The following ZNF611 variants were observed in gnomAD, a reference collection of about 807,000 sequenced individuals.
ZNF611 encodes the protein zinc finger protein 611.
In ZNF611, 6 loss-of-function variants were observed where a neutral mutation model predicts 8.9. The ratio of observed to expected loss-of-function variants is 0.68; its 90% CI spans 0.37 to 1.34. The LOEUF (loss-of-function observed/expected upper bound fraction) is 1.34, where lower values mean the gene tolerates loss of function less well. Ranked by LOEUF, ZNF611 falls within the 40% of genes most tolerant of loss-of-function variation. ZNF611 has a pLI of 0.02. For missense variants in ZNF611, 874 were observed against 841.3 expected, an observed-to-expected ratio of 1.04 and a Z score of -0.48; for synonymous variants, 262 against 279.7, an observed-to-expected ratio of 0.94 and a Z score of 0.63.
rs2062224393 is a variant in ZNF611 at position 52,704,256 on chromosome 19, C to T, written c.*681G>A. ...AATTAATGCTTGATGGTTTGCTATA[C>T]TCATTTCATTGGGAACGGTTATCTC... On this transcript the variant is annotated 3_prime_UTR_variant, in exon 6 of 6. Transcript: ENST00000652185. The T allele has an allele frequency of 4.2e-6, 2 of 477,932 alleles. No homozygotes were observed. Among genetic ancestry groups the T allele is most frequent in the South Asian group, 3.3e-5 (2 of 60,058 alleles). The allele number at this position is 477,932 out of a possible 1,614,324, so 29.6% of individuals were successfully genotyped here. A position where few individuals can be genotyped will look rare whatever the true frequency, so the allele number is the denominator to read the frequency against.
Position 52,706,485 on chromosome 19 carries a change from A to G in ZNF611, c.570T>C (p.Val190=). The G allele has an allele frequency of 6.2e-7, 1 of 1,614,140 alleles. No individual in the cohort carries two copies. Among genetic ancestry groups the G allele is most frequent in the East Asian group, 2.2e-5 (1 of 44,880 alleles). ...LEKSTNDAPS[V]STFQRISCRP... is the part of the protein sequence containing the mutation. ...TACAGGAAATTCTTTGGAATGTTGA[A>G]ACTGAGGGAGCATCATTAGTAGACT... Residue 190 remains valine (V), a synonymous_variant, in exon 6 of 6, where the codon GTT becomes GTC. Coordinates refer to ENST00000652185, the MANE Select transcript of ZNF611 (RefSeq NM_001161499.2).
intron 3 of ZNF611, among the ~76,000 whole-genome samples, chr19:52,728,477 G>A (rs1201242675): frequency 3.3e-5 from 5 of 152,112 alleles, no homozygotes; most frequent in South Asian, 2.1e-4. Context: ...GACAGAAATT[G>A]CAGTGAGCCG....
At chr19:52,707,876 C>T (rs2062255609) in intron 5 of ZNF611, among the ~76,000 whole-genome samples, 2 of 152,016 alleles carry the variant, frequency 1.3e-5, no homozygotes. Context: ...AGTAATCCAC[C>T]CACCTCGGCC....
chr19:52,734,375 G>T (rs1232001323), intron 1 of ZNF611, among the ~76,000 whole-genome samples: 2 of 152,138 alleles, frequency 1.3e-5, no homozygotes, highest in Non-Finnish European at 2.9e-5. Flanking sequence ...CTGCATCCCG[G>T]AGGAGCGCAT....
At chr19:52,720,063 G>A (rs79799316) in intron 3 of ZNF611, among the ~76,000 whole-genome samples, 3 of 16,996 alleles carry the variant, frequency 1.8e-4, no homozygotes, top group African/African-American at 3.4e-3. Flanking sequence ...GACACAGCAC[G>A]TTTCAGAGAG....
At chr19:52,716,489 C>T (rs2062318313) in intron 3 of ZNF611, among the ~76,000 whole-genome samples, 1 of 152,182 alleles carries the variant, frequency 6.6e-6, no homozygotes, top group Non-Finnish European at 1.5e-5. Flanking sequence ...CTGGCTCTGC[C>T]CTCCCCTTGG....
In ZNF611 at chr19:52,714,175, T is replaced by G. The variant is rs777535724; in HGVS notation, c.64-34A>C. The G allele has an allele frequency of 2.5e-6, 4 of 1,609,436 alleles. No homozygotes were observed. The Admixed American group carries it at 5.1e-5, about 21-fold the overall frequency. On this transcript the variant is annotated intron_variant, in intron 4 of 5. Coordinates refer to ENST00000652185, the MANE Select transcript of ZNF611 (RefSeq NM_001161499.2). ...AAACACACATTTCAACAAAACATTA[T>G]GGAGTAATGAGTTATCACCTTCACA...
intron 3 of ZNF611, among the ~76,000 whole-genome samples, chr19:52,722,815 G>A (rs1381345543): frequency 2.6e-5 from 4 of 151,868 alleles, no homozygotes; most frequent in Admixed American, 6.6e-5. Context: ...ACAGCAGCCT[G>A]GACCTCCTGG....
chr19:52,714,923 G>C (rs540642761), intron 4 of ZNF611, among the ~76,000 whole-genome samples: 4 of 151,788 alleles, frequency 2.6e-5, no homozygotes, highest in Admixed American at 2.6e-4. Context: ...GCTTGAATCC[G>C]GGAGGCGGAG....
rs2062233233 is a variant in ZNF611 at position 52,705,324 on chromosome 19, G to C, written c.1731C>G (p.His577Gln). ...TATGATGGCATACAAGGTATGACCT[G>C]TGACTGAAGGTCTTGCTGCACTCAT... ...KCNECSKTFS[H>Q]RSYLVCHHRV... The change falls in exon 6 of 6, where the codon CAC becomes CAG. Residue 577 changes from histidine (H) to glutamine (Q), a missense_variant. His to Gln is a conservative substitution (Grantham distance 24). Coordinates refer to ENST00000652185, the MANE Select transcript of ZNF611 (RefSeq NM_001161499.2). 6.2e-7 allele frequency: 1 copy of C among 1,613,828 alleles called. No individual in the cohort carries two copies. The highest frequency in any genetic ancestry group is 8.5e-7 in the Non-Finnish European group (1 of 1,179,994).
intron 1 of ZNF611, among the ~76,000 whole-genome samples, chr19:52,734,612 C>G (rs1014687410): frequency 2.6e-5 from 4 of 151,946 alleles, no homozygotes; most frequent in African/African-American, 9.6e-5. Flanking sequence ...GAGGACTCGG[C>G]CTCCCCGGGA....
In ZNF611 at chr19:52,705,556, T is replaced by C. The variant is rs374800436; in HGVS notation, c.1499A>G (p.His500Arg). ...TFGQNSDLLI[H>R]KSIHTGEQPY... Reference sequence around the variant, plus strand: ...TTGCTCCCCAGTATGAATTGACTTATGAATTAAAAGATCTGAATTTTGACC... The same window carrying C: ...TTGCTCCCCAGTATGAATTGACTTACGAATTAAAAGATCTGAATTTTGACC... Residue 500 changes from histidine (H) to arginine (R), a missense_variant, in exon 6 of 6, where the codon CAT (histidine) becomes CGT (arginine). Coordinates refer to ENST00000652185, the MANE Select transcript of ZNF611 (RefSeq NM_001161499.2). The C allele has an allele frequency of 7.4e-6, 12 of 1,614,074 alleles. No individual in the cohort carries two copies. The highest frequency in any genetic ancestry group is 7.6e-6 in the Non-Finnish European group (9 of 1,180,034).
At chr19:52,711,409 G>T (rs1370032135) in intron 5 of ZNF611, 1 of 151,858 alleles carries the variant, frequency 6.6e-6, no homozygotes, top group African/African-American at 2.4e-5. Flanking sequence ...CTCAAATAAT[G>T]ACAGCAGGCC....
chr19:52,722,575 A>G (rs572538798), intron 3 of ZNF611, among the ~76,000 whole-genome samples: 126 of 152,326 alleles, frequency 8.3e-4, no homozygotes, highest in African/African-American at 2.8e-3. Context: ...TCTGACACCA[A>G]GATTTATAGA....
At chr19:52,722,762 G>A (rs1410986987) in intron 3 of ZNF611, among the ~76,000 whole-genome samples, 7 of 152,060 alleles carry the variant, frequency 4.6e-5, no homozygotes, top group African/African-American at 1.7e-4. Flanking sequence ...ACAGGGTCTT[G>A]CTCTTTTCAC....
chr19:52,730,990 T>C (rs1481925048), intron 1 of ZNF611, among the ~76,000 whole-genome samples: 2 of 151,864 alleles, frequency 1.3e-5, no homozygotes, highest in African/African-American at 4.8e-5. Flanking sequence ...GGCTGGAGTG[T>C]AGTGGCATGA....
At chr19:52,721,070 A>T (rs938795615) in intron 3 of ZNF611, 1 of 152,470 alleles carries the variant, frequency 6.6e-6, no homozygotes, top group African/African-American at 2.5e-5. Context: ...GGGGCTCCTC[A>T]CTTCCTAGAC....
intron 5 of ZNF611, among the ~76,000 whole-genome samples, chr19:52,710,465 A>G (rs937360917): frequency 6.6e-6 from 1 of 152,054 alleles, no homozygotes; most frequent in Non-Finnish European, 1.5e-5. Context: ...TCTGACCTCA[A>G]GTGATCCACC....
At chr19:52,709,480 C>T (rs952887161) in intron 5 of ZNF611, among the ~76,000 whole-genome samples, 1 of 152,118 alleles carries the variant, frequency 6.6e-6, no homozygotes, top group Non-Finnish European at 1.5e-5. Flanking sequence ...ACCATGTTGG[C>T]CAGGATGGTC....
Sources: gnomAD v4.1 joint callset for allele counts (sites outside exome capture counted in the v4.1 genomes callset) on GRCh38, gnomAD v4.1.1 for gene constraint, MANE v1.5 for transcripts, NCBI Gene and HGNC (gene_info 2026-07-23, HGNC 2026-07-21) for gene names.